The following SCN2A variants were observed in gnomAD, a reference collection of about 807,000 sequenced individuals.
The protein encoded by SCN2A is sodium channel protein type 2 subunit alpha.
A neutral mutation model predicts 188.7 loss-of-function variants in SCN2A; 20 were observed. The observed-to-expected ratio is 0.11, with a 90% CI of 0.07 to 0.15. SCN2A has a LOEUF of 0.15. Ranked by LOEUF, SCN2A falls within the 10% of genes least tolerant of loss-of-function variation. The probability of loss-of-function intolerance (pLI) is 1.00; values close to 1 mark genes in which losing one functional copy is unlikely to be tolerated. For missense variants in SCN2A, 1,278 were observed against 2,445.0 expected, an observed-to-expected ratio of 0.52 and a Z score of 10.07; for synonymous variants, 804 against 833.1, an observed-to-expected ratio of 0.97 and a Z score of 0.60.
intron 1 of SCN2A, among the ~76,000 whole-genome samples, chr2:165,254,956 G>A (rs1278759285): frequency 6.6e-6 from 1 of 151,596 alleles, no homozygotes; most frequent in African/African-American, 2.4e-5. Context: ...CTAAATTTTT[G>A]TTTGTATTTG....
chr2:165,324,071 C>T (rs898194980), intron 12 of SCN2A, among the ~76,000 whole-genome samples: 2 of 152,200 alleles, frequency 1.3e-5, no homozygotes, highest in Non-Finnish European at 2.9e-5. Context: ...GAATCATGGG[C>T]TGTCATTTTT....
chr2:165,379,574 T>C (rs1313145341), intron 23 of SCN2A, among the ~76,000 whole-genome samples: 1 of 151,786 alleles, frequency 6.6e-6, no homozygotes, highest in Admixed American at 6.6e-5. Flanking sequence ...TTTGCATTTA[T>C]GTATTATGCA....
At chr2:165,243,001 C>T (rs1418575913) in intron 1 of SCN2A, among the ~76,000 whole-genome samples, 3 of 152,168 alleles carry the variant, frequency 2.0e-5, no homozygotes, top group Non-Finnish European at 4.4e-5. Flanking sequence ...AATAATTAAT[C>T]CTCAGTAGCA....
At chr2:165,353,835 A>C (rs532287343) in intron 16 of SCN2A, among the ~76,000 whole-genome samples, 1 of 152,260 alleles carries the variant, frequency 6.6e-6, no homozygotes, top group East Asian at 1.9e-4. Context: ...ACAATTCCAC[A>C]TGAGACTTGG....
chr2:165,335,996 G>T (rs1009268676), intron 14 of SCN2A, among the ~76,000 whole-genome samples: 2 of 151,842 alleles, frequency 1.3e-5, no homozygotes, highest in African/African-American at 4.8e-5. Flanking sequence ...ATAAAAGATG[G>T]TCAGCGTCAC....
intron 4 of SCN2A, 103 bp from the exon 5 acceptor site, chr2:165,308,563 C>G: frequency 1.6e-6 from 2 of 1,270,628 alleles, no homozygotes; most frequent in Non-Finnish European, 2.3e-6. Context: ...GGGGACCAAC[C>G]TGGAAGTGTC....
intron 1 of SCN2A, among the ~76,000 whole-genome samples, chr2:165,248,302 G>T (rs149034059): frequency 1.3e-5 from 2 of 152,054 alleles, no homozygotes; most frequent in Admixed American, 1.3e-4. Context: ...ATTTAGCCTG[G>T]TCTCCATCCC....
In SCN2A at chr2:165,388,957, T is replaced by C; in HGVS notation, c.5151T>C (p.Asp1717=). 7 of 1,614,128 alleles carry C rather than the reference T, an allele frequency of 4.3e-6. 1 individual carries two copies. In the South Asian group the frequency reaches 7.7e-5, roughly 18 times the overall value. ...AAATTACAACCTCTGCTGGCTGGGATGGATTGCTAGCACCTATTCTTAATA... is the reference window on the plus strand; with the variant it reads ...AAATTACAACCTCTGCTGGCTGGGACGGATTGCTAGCACCTATTCTTAATA... ...LFQITTSAGW[D]GLLAPILNSG... The change falls in exon 27 of 27, where the codon GAT becomes GAC. Residue 1717 remains aspartate, a synonymous_variant. Coordinates refer to ENST00000375437, the MANE Select transcript of SCN2A (RefSeq NM_001040142.2).
intron 25 of SCN2A, 60 bp downstream of exon 25, chr2:165,381,257 C>T (rs1448120565): frequency 6.5e-6 from 8 of 1,223,706 alleles, no homozygotes; most frequent in African/African-American, 6.1e-5. Flanking sequence ...TTTCACAGCC[C>T]GAATTTCTAG....
intron 23 of SCN2A, among the ~76,000 whole-genome samples, chr2:165,380,118 A>C (rs1262405539): frequency 6.6e-6 from 1 of 151,728 alleles, no homozygotes; most frequent in African/African-American, 2.4e-5. Context: ...TGTTCTAAGC[A>C]TATTTATATG....
chr2:165,374,792 T>C lies in SCN2A; in HGVS notation c.4080T>C (p.Ala1360=). Residue 1360 remains alanine (A), a synonymous_variant, in exon 22 of 27, where the codon GCT becomes GCC. Coordinates refer to ENST00000375437, the MANE Select transcript of SCN2A (RefSeq NM_001040142.2). ...GTATCATGGGAGTGAATCTCTTTGCTGGCAAGTTTTACCATTGTATTAATT... is the reference window on the plus strand; with the variant it reads ...GTATCATGGGAGTGAATCTCTTTGCCGGCAAGTTTTACCATTGTATTAATT... The part of the protein sequence containing the change: ...IFSIMGVNLF[A]GKFYHCINYT... 1 of 1,613,640 alleles carries C rather than the reference T, an allele frequency of 6.2e-7. No individual in the cohort carries two copies. The highest frequency in any genetic ancestry group is 8.5e-7 in the Non-Finnish European group (1 of 1,179,690).
At chr2:165,329,638 G>A (rs1047138690) in intron 13 of SCN2A, among the ~76,000 whole-genome samples, 4 of 151,602 alleles carry the variant, frequency 2.6e-5, no homozygotes, top group Admixed American at 6.6e-5. Flanking sequence ...TTTGCTTCTC[G>A]TTATTTGCTA....
At chr2:165,240,770 G>A (rs1388952537) in intron 1 of SCN2A, among the ~76,000 whole-genome samples, 1 of 149,682 alleles carries the variant, frequency 6.7e-6, no homozygotes, top group African/African-American at 2.5e-5. Context: ...TAAAGAGGTA[G>A]TTTTGCCATG....
intron 1 of SCN2A, among the ~76,000 whole-genome samples, chr2:165,291,491 T>TTTCTTTCTTTCTTTCTTTTC (rs1389976633): frequency 5.1e-4 from 20 of 38,852 alleles, no homozygotes; most frequent in African/African-American, 1.5e-3. Flanking sequence ...TCTTTCTTTC[T>TTTCTTTCTTTCTTTCTTTTC]TTTCTTTCTT....
At chr2:165,373,747 T>G (rs1441282198) in intron 21 of SCN2A, among the ~76,000 whole-genome samples, 2 of 152,146 alleles carry the variant, frequency 1.3e-5, no homozygotes, top group Non-Finnish European at 2.9e-5. Context: ...CTTTTGATGT[T>G]TGAATCAGGC....
At chr2:165,381,029 C>T in intron 24 of SCN2A, 64 bp from the exon 25 acceptor site, 2 of 1,142,606 alleles carry the variant, frequency 1.8e-6, no homozygotes, top group Non-Finnish European at 2.6e-6. Flanking sequence ...CACATGATTA[C>T]TAAGGTGGAT....
chr2:165,389,809 G>A lies in SCN2A; in HGVS notation c.6003G>A (p.Arg2001=). 2 of 1,610,138 alleles carry A rather than the reference G, an allele frequency of 1.2e-6. No homozygotes were observed. The highest frequency in any genetic ancestry group is 1.7e-6 in the Non-Finnish European group (2 of 1,178,060). ...SEKEDKGKDI[R]ESKK ...AGGAAGACAAAGGGAAAGATATCAG[G>A]GAAAGTAAAAAGTAAAAAGAAACCA... Residue 2001 remains arginine (R), a synonymous_variant, in exon 27 of 27, where the codon AGG becomes AGA. Coordinates refer to ENST00000375437, the MANE Select transcript of SCN2A (RefSeq NM_001040142.2). The surrounding 1 kb of genome is among the most constrained non-coding windows in gnomAD (Gnocchi z 4.2).
Position 165,314,080 on chromosome 2 carries a change from A to G in SCN2A, c.1355A>G (p.Gln452Arg), listed in dbSNP as rs368212942. 1.2e-6 allele frequency: 2 copies of G among 1,613,496 alleles called. No individual in the cohort carries two copies. Among genetic ancestry groups the G allele is most frequent in the Non-Finnish European group, 1.7e-6 (2 of 1,179,704 alleles). ...KEAEFQQMLE[Q>R]LKKQQEEAQA... Reference sequence around the variant, plus strand: ...GCTGAATTTCAGCAGATGCTCGAACAGTTGAAAAAGCAACAAGAAGAAGCT... The same window carrying G: ...GCTGAATTTCAGCAGATGCTCGAACGGTTGAAAAAGCAACAAGAAGAAGCT... The change falls in exon 10 of 27, where the codon CAG (glutamine) becomes CGG (arginine). Residue 452 changes from glutamine to arginine, a missense_variant. Gln to Arg is a conservative substitution (Grantham distance 43). This residue lies in a region of SCN2A where 315 missense variants were observed against 386.6 expected (regional missense o/e 0.81). Transcript: ENST00000375437.
chr2:165,349,668 T>C (rs1699786727), intron 16 of SCN2A, among the ~76,000 whole-genome samples: 1 of 152,204 alleles, frequency 6.6e-6, no homozygotes, highest in African/African-American at 2.4e-5. Context: ...TTTGTTCTTT[T>C]AAGAGAGAAA....
Sources: allele counts gnomAD v4.1 joint callset (sites outside exome capture counted in the v4.1 genomes callset), GRCh38; gene constraint gnomAD v4.1.1; regional missense constraint gnomAD v4.1.1; non-coding constraint Gnocchi (gnomAD v3.1); transcripts MANE v1.5; gene names NCBI Gene and HGNC (gene_info 2026-07-23, HGNC 2026-07-21).